CFLAR: variants seen among roughly 807,000 people sequenced by gnomAD.
CFLAR encodes the protein CASP8 and FADD-like apoptosis regulator.
In CFLAR, 14 loss-of-function variants were observed where a neutral mutation model predicts 51.1. The observed-to-expected ratio is 0.27, with a 90% confidence interval of 0.18 to 0.43. The LOEUF (loss-of-function observed/expected upper bound fraction) is 0.43. CFLAR is among the 20% of genes least tolerant of loss of function. The probability of loss-of-function intolerance (pLI) is 1.00; values close to 1 mark genes in which losing one functional copy is unlikely to be tolerated. For synonymous variants in CFLAR, 210 were observed against 211.6 expected, an observed-to-expected ratio of 0.99 and a Z score of 0.06; for missense variants, 390 against 566.5, an observed-to-expected ratio of 0.69 and a Z score of 3.16.
Position 201,167,273 on chromosome 2 carries a change from G to A in CFLAR, c.*3300G>A, listed in dbSNP as rs1452087156. The stretch of plus-strand genomic sequence containing the variant: ...AATCTGAGTACTTTGGGAGGCTGAG[G>A]TGGACTGATCACTTGAGCCCAGGAG... On this transcript the variant is annotated 3_prime_UTR_variant, in exon 10 of 10. Coordinates refer to ENST00000309955, the MANE Select transcript of CFLAR (RefSeq NM_003879.7). 1.3e-5 allele frequency: 2 copies of A among 152,168 alleles called. No homozygotes were observed. Among genetic ancestry groups the A allele is most frequent in the African/African-American group, 2.4e-5 (1 of 41,392 alleles). 9.4% of individuals were successfully genotyped at this position (152,168 alleles called of 1,614,324 possible). A position where few individuals can be genotyped will look rare whatever the true frequency, so the allele number is the denominator to read the frequency against.
chr2:201,149,310 T>C (rs1416475786), intron 7 of CFLAR: 1 of 385,158 alleles, frequency 2.6e-6, no homozygotes, highest in East Asian at 4.8e-5. Flanking sequence ...GCTGAACATA[T>C]TAGTCAGCAG....
Position 201,163,979 on chromosome 2 carries a change from CA to C in CFLAR, c.*10del, listed in dbSNP as rs1165639815. 12 of 1,610,966 alleles carry C rather than the reference CA, an allele frequency of 7.4e-6. No homozygotes were observed. Among genetic ancestry groups the C allele is most frequent in the East Asian group, 2.2e-5 (1 of 44,842 alleles). On this transcript the variant is annotated 3_prime_UTR_variant, in exon 10 of 10. Transcript: ENST00000309955. ...TTATCCTCTCCTACACATAAGAAAC[CA>C]AAAGGCTGGGCGTAGTGGCTCACAC...
In CFLAR at chr2:201,169,576, C is replaced by G. The variant is rs1013115284; in HGVS notation, c.*5603C>G. On this transcript the variant is annotated 3_prime_UTR_variant, in exon 10 of 10. Transcript: ENST00000309955. ...GGTTTCATGACAAAAACATCAAAAG[C>G]AATTGCAACAAAAGCAAAAATTACA... 3.3e-5 allele frequency: 5 copies of G among 152,210 alleles called. No individual in the cohort carries two copies. The highest frequency in any genetic ancestry group is 1.2e-4 in the African/African-American group (5 of 41,542). 9.4% of individuals were successfully genotyped at this position (152,210 alleles called of 1,614,324 possible). A position where few individuals can be genotyped will look rare whatever the true frequency, so the allele number is the denominator to read the frequency against.
chr2:201,123,490 A>G (rs1476673125), intron 1 of CFLAR, among the ~76,000 whole-genome samples: 2 of 152,122 alleles, frequency 1.3e-5, no homozygotes, highest in Non-Finnish European at 2.9e-5. Context: ...GTGTCTTAAC[A>G]TGGCAAAAGG....
At position 201,160,808 on chromosome 2, in the gene CFLAR, A is replaced by T; in HGVS notation, c.1170A>T (p.Arg390=). The part of the protein sequence containing the change: ...MKNVEFKAQK[R]GLCTVHREAD... ...ATGTGGAATTCAAGGCTCAGAAGCG[A>T]GGGCTGTGCACAGTTCACCGAGAAG... The change falls in exon 9 of 10, where the codon CGA becomes CGT. Residue 390 remains arginine (R), a synonymous_variant. Coordinates refer to ENST00000309955, the MANE Select transcript of CFLAR (RefSeq NM_003879.7). 1 of 1,614,078 alleles carries T rather than the reference A, an allele frequency of 6.2e-7. No homozygotes were observed. Among genetic ancestry groups the T allele is most frequent in the Non-Finnish European group, 8.5e-7 (1 of 1,179,982 alleles).
Position 201,145,443 on chromosome 2 carries a change from C to A in CFLAR, c.661+11C>A, listed in dbSNP as rs1204404645. ...AGCTTGGCGCTCAACGTAAGACCAC[C>A]TTTTTTTAATATTCATTATTTATAA... On this transcript the variant is annotated intron_variant, in intron 6 of 9. Coordinates refer to ENST00000309955, the MANE Select transcript of CFLAR (RefSeq NM_003879.7). The A allele has an allele frequency of 6.4e-7, 1 of 1,556,282 alleles. No homozygotes were observed. The highest frequency in any genetic ancestry group is 8.8e-7 in the Non-Finnish European group (1 of 1,130,502).
At position 201,118,308 on chromosome 2, in the gene CFLAR, T is replaced by A. The variant is rs1251101722; in HGVS notation, c.-138+1827T>A. Among the ~76,000 whole-genome samples the A allele has an allele frequency of 1.3e-5, 2 of 152,164 alleles. No individual in the cohort carries two copies. The highest frequency in any genetic ancestry group is 4.8e-5 in the African/African-American group (2 of 41,438). ...TTCCAAGGTGAAGCCATTTGCAGGGTCGCTGGGTTTCCCCCTCCCCCCGAA... is the reference window on the plus strand; with the variant it reads ...TTCCAAGGTGAAGCCATTTGCAGGGACGCTGGGTTTCCCCCTCCCCCCGAA... On this transcript the variant is annotated intron_variant, in intron 1 of 9. Coordinates refer to ENST00000309955, the MANE Select transcript of CFLAR (RefSeq NM_003879.7). This position sits in a 1 kb window ranked among gnomAD's most constrained non-coding sequence, Gnocchi z 5.1.
chr2:201,149,461 T>G (rs976265902), intron 7 of CFLAR: 2 of 302,640 alleles, frequency 6.6e-6, no homozygotes, highest in African/African-American at 4.4e-5. Flanking sequence ...GACAAATCAC[T>G]CATGTTTTCT....
intron 9 of CFLAR, chr2:201,163,119 C>A: frequency 1.3e-6 from 1 of 762,652 alleles, no homozygotes; most frequent in East Asian, 2.6e-5. Flanking sequence ...AGCTGTGTCC[C>A]TGAATTCTCC....
rs1023068854 is a variant in CFLAR, at chr2:201,170,359, T to C, written c.*6386T>C. On this transcript the variant is annotated 3_prime_UTR_variant, in exon 10 of 10. Transcript: ENST00000309955. ...ACTGAACGTGAAAAAGTAATGTTTG[T>C]ATTGAAATCTTGAGTCTGGCCATGT... 1.3e-5 allele frequency: 2 copies of C among 152,168 alleles called. No individual in the cohort carries two copies. The highest frequency in any genetic ancestry group is 4.8e-5 in the African/African-American group (2 of 41,464). 9.4% of individuals were successfully genotyped at this position (152,168 alleles called of 1,614,324 possible).
rs1943511484 is a variant in CFLAR, at chr2:201,166,036, C to A, written c.*2063C>A. Reference sequence around the variant, plus strand: ...CTCTATCTTTTCCCCACCTTTCCCCCTTTTCTATTCCACAAAACCGCCATC... The same window carrying A: ...CTCTATCTTTTCCCCACCTTTCCCCATTTTCTATTCCACAAAACCGCCATC... On this transcript the variant is annotated 3_prime_UTR_variant, in exon 10 of 10. Transcript: ENST00000309955. The A allele has an allele frequency of 2.1e-5, 4 of 194,930 alleles. No homozygotes were observed. Among genetic ancestry groups the A allele is most frequent in the Admixed American group, 6.3e-5 (1 of 15,902 alleles). 12.1% of individuals were successfully genotyped at this position (194,930 alleles called of 1,614,324 possible).
At position 201,140,761 on chromosome 2, in the gene CFLAR, A is replaced by ATG. The variant is rs1160393318; in HGVS notation, c.606+323_606+324insGT. Reference sequence around the variant, plus strand: ...TTTGCATCTGTATCTGTATGTATGTATATATATATATATATACATACATAC... The same window carrying ATG: ...TTTGCATCTGTATCTGTATGTATGTATGTATATATATATATATACATACATAC... On this transcript the variant is annotated intron_variant, in intron 5 of 9. Transcript: ENST00000309955. 2.0e-4 allele frequency: 18 copies of ATG among 89,862 alleles called. 1 individual carries two copies. Among genetic ancestry groups the ATG allele is most frequent in the East Asian group, 4.1e-4 (2 of 4,830 alleles). The allele number at this position is 89,862 out of a possible 1,614,324, so 5.6% of individuals were successfully genotyped here. A position where few individuals can be genotyped will look rare whatever the true frequency, so the allele number is the denominator to read the frequency against.
At chr2:201,148,860 G>C in intron 6 of CFLAR, 143 bp from the exon 7 acceptor site, 2 of 609,098 alleles carry the variant, frequency 3.3e-6, no homozygotes, top group Non-Finnish European at 6.0e-6. Flanking sequence ...GAAACCTTGG[G>C]GCCAAGTATA....
In CFLAR at chr2:201,138,554, C is replaced by G; in HGVS notation, c.524-1803C>G. ...CACTGAGGAGGGTGGTGTGGTCCTT[C>G]TCAGCAAGAAAGTCGATGTCTCGGG... On this transcript the variant is annotated intron_variant, in intron 4 of 9. Coordinates refer to ENST00000309955, the MANE Select transcript of CFLAR (RefSeq NM_003879.7). This position sits in a 1 kb window ranked among gnomAD's most constrained non-coding sequence, Gnocchi z 4.0. 6.3e-7 allele frequency: 1 copy of G among 1,594,676 alleles called. No homozygotes were observed. Among genetic ancestry groups the G allele is most frequent in the Non-Finnish European group, 8.5e-7 (1 of 1,175,440 alleles).
intron 1 of CFLAR, among the ~76,000 whole-genome samples, chr2:201,126,045 C>G (rs2048668268): frequency 6.6e-6 from 1 of 152,066 alleles, no homozygotes; most frequent in Admixed American, 6.5e-5. Context: ...GATTGTTGTA[C>G]CTGAGCGAGT....
chr2:201,163,092 C>A, intron 9 of CFLAR: 1 of 752,978 alleles, frequency 1.3e-6, no homozygotes, highest in South Asian at 1.4e-5. Context: ...ATGGTCATAT[C>A]AGCTTTATAG....
intron 1 of CFLAR, among the ~76,000 whole-genome samples, chr2:201,126,056 T>C (rs2125634057): frequency 6.6e-6 from 1 of 152,242 alleles, no homozygotes; most frequent in South Asian, 2.1e-4. Context: ...CTGAGCGAGT[T>C]AGAGAAAACG....
chr2:201,163,058 G>A, intron 9 of CFLAR: 1 of 756,108 alleles, frequency 1.3e-6, no homozygotes, highest in South Asian at 1.4e-5. Context: ...AGCCTCGGAT[G>A]CATCTTACTA....
chr2:201,167,461 A>G lies in CFLAR; in HGVS notation c.*3488A>G, dbSNP rs13013222. 57,328 of 151,906 alleles carry G rather than the reference A, an allele frequency of 0.38. 11,501 individuals are homozygous for G. The highest frequency in any genetic ancestry group is 0.46 in the Non-Finnish European group (31,035 of 67,886). 9.4% of individuals were successfully genotyped at this position (151,906 alleles called of 1,614,324 possible). A position where few individuals can be genotyped will look rare whatever the true frequency, so the allele number is the denominator to read the frequency against. On this transcript the variant is annotated 3_prime_UTR_variant, in exon 10 of 10. Coordinates refer to ENST00000309955, the MANE Select transcript of CFLAR (RefSeq NM_003879.7). ...GTCAAGGTTGTGATGAGCTGTGATC[A>G]CACCACTGCACTTCAGCATGGGAGA...
Sources: gnomAD v4.1 joint callset for allele counts (sites outside exome capture counted in the v4.1 genomes callset) on GRCh38, gnomAD v4.1.1 for gene constraint, Gnocchi (gnomAD v3.1) non-coding constraint, MANE v1.5 for transcripts, NCBI Gene and HGNC (gene_info 2026-07-23, HGNC 2026-07-21) for gene names.